UGGT1: variants seen among roughly 807,000 people sequenced by gnomAD.
UGGT1 encodes the protein UDP-glucose glycoprotein glucosyltransferase 1, also known as UDP-glucose:glycoprotein glucosyltransferase 1.
Under a neutral mutation model 203.9 loss-of-function variants are expected in UGGT1, and 107 were observed. The ratio of observed to expected loss-of-function variants is 0.52; its 90% confidence interval spans 0.45 to 0.62. The LOEUF (loss-of-function observed/expected upper bound fraction) is 0.62, where lower values mean the gene tolerates loss of function less well. UGGT1 is among the 20% of genes least tolerant of loss of function. The pLI is 0.00. For synonymous variants in UGGT1, 628 were observed against 653.5 expected (o/e 0.96, Z 0.59); for missense variants, 1,673 against 1,867.2 (o/e 0.90, Z 1.92).
Position 128,182,246 on chromosome 2 carries a change from A to G in UGGT1, c.4200A>G (p.Ser1400=). 7 of 1,614,192 alleles carry G rather than the reference A, an allele frequency of 4.3e-6. No homozygotes were observed. Among genetic ancestry groups the G allele is most frequent in the Non-Finnish European group, 5.9e-6 (7 of 1,180,020 alleles). Residue 1400 remains serine, a synonymous_variant, in exon 37 of 41, where the codon TCA becomes TCG. Coordinates refer to ENST00000259253, the MANE Select transcript of UGGT1 (RefSeq NM_020120.4). ...REMDGYRFWK[S]GYWASHLAGR... Reference sequence around the variant, plus strand: ...TGGACGGCTACAGGTTCTGGAAGTCAGGGTACTGGGCCAGTCATTTAGCCG... The same window carrying G: ...TGGACGGCTACAGGTTCTGGAAGTCGGGGTACTGGGCCAGTCATTTAGCCG...
In UGGT1 at chr2:128,194,689, T is replaced by C. The variant is rs1473048287; in HGVS notation, c.*4947T>C. On this transcript the variant is annotated 3_prime_UTR_variant, in exon 41 of 41. Transcript: ENST00000259253. ...GTGTGTAGTTTGGTAAGATAACTTC[T>C]TTAAATTCATGTTTTCTCTGCCTTG... 1 of 152,232 alleles carries C rather than the reference T, an allele frequency of 6.6e-6. No individual in the cohort carries two copies. The highest frequency in any genetic ancestry group is 2.4e-5 in the African/African-American group (1 of 41,456). 9.4% of individuals were successfully genotyped at this position (152,232 alleles called of 1,614,324 possible).
intron 15 of UGGT1, among the ~76,000 whole-genome samples, 163 bp downstream of exon 15, chr2:128,135,124 C>G (rs1287246040): frequency 6.6e-6 from 1 of 152,220 alleles, no homozygotes; most frequent in Admixed American, 6.5e-5. Context: ...TCTTTTGGGA[C>G]TGAGAATTTG....
intron 3 of UGGT1, 83 bp downstream of exon 3, chr2:128,104,097 A>G (rs746011708): frequency 5.1e-5 from 50 of 977,898 alleles, no homozygotes; most frequent in Middle Eastern, 2.2e-4. Context: ...TATGTGTGGC[A>G]TGGCAGTTAA....
intron 26 of UGGT1, among the ~76,000 whole-genome samples, chr2:128,169,198 C>T (rs1226698370): frequency 6.6e-6 from 1 of 150,988 alleles, no homozygotes; most frequent in Admixed American, 6.6e-5. Context: ...TGGTGAGACC[C>T]GTATCTCTAC....
At position 128,100,029 on chromosome 2, in the gene UGGT1, C is replaced by CCCA. The variant is rs1491402357; in HGVS notation, c.194+2465_194+2466insCCA. 2.6e-5 allele frequency among the ~76,000 whole-genome samples: 2 copies of CCCA among 77,360 alleles called. 1 individual carries two copies. Among genetic ancestry groups the CCCA allele is most frequent in the East Asian group, 1.0e-3 (2 of 2,000 alleles). The allele number at this position is 77,360 out of a possible 152,430, so 50.8% of individuals were successfully genotyped here. ...CATTGAGATTTACAACCCCCCCCCC[C>CCCA]ACCCTACTTATTTTTTTTGAGACAG... On this transcript the variant is annotated intron_variant, in intron 2 of 40. Transcript: ENST00000259253.
chr2:128,122,083 C>G (rs780444325), intron 10 of UGGT1, among the ~76,000 whole-genome samples: 1 of 152,090 alleles, frequency 6.6e-6, no homozygotes, highest in African/African-American at 2.4e-5. Flanking sequence ...TTGTTTGGAC[C>G]GGGCTTGGTG....
At chr2:128,162,913 A>G (rs1466071719) in intron 25 of UGGT1, among the ~76,000 whole-genome samples, 1 of 152,202 alleles carries the variant, frequency 6.6e-6, no homozygotes, top group Non-Finnish European at 1.5e-5. Flanking sequence ...GACTAATGCT[A>G]AAACTCTTAG....
chr2:128,124,287 T>C (rs1473708697), intron 11 of UGGT1, among the ~76,000 whole-genome samples: 1 of 152,214 alleles, frequency 6.6e-6, no homozygotes, highest in Non-Finnish European at 1.5e-5. Flanking sequence ...TATACAATAT[T>C]GGCAGGTTAT....
chr2:128,176,272 G>T (rs752369109), intron 31 of UGGT1, among the ~76,000 whole-genome samples: 2 of 152,118 alleles, frequency 1.3e-5, no homozygotes, highest in Non-Finnish European at 2.9e-5. Context: ...AATTAGCCAG[G>T]CGTGGTGGTG....
intron 26 of UGGT1, among the ~76,000 whole-genome samples, chr2:128,165,861 A>G (rs181440742): frequency 6.6e-6 from 1 of 152,038 alleles, no homozygotes; most frequent in East Asian, 1.9e-4. Context: ...TTCTGGGCTC[A>G]AGTGATCTTC....
intron 35 of UGGT1, among the ~76,000 whole-genome samples, chr2:128,180,526 C>A (rs1304951739): frequency 6.6e-6 from 1 of 152,218 alleles, no homozygotes; most frequent in Non-Finnish European, 1.5e-5. Context: ...TGGGTTAGAT[C>A]TGGCCTCGAG....
At chr2:128,178,922 C>T (rs1007564484) in intron 34 of UGGT1, among the ~76,000 whole-genome samples, 5 of 152,156 alleles carry the variant, frequency 3.3e-5, no homozygotes, top group African/African-American at 1.2e-4. Flanking sequence ...ACTTCACTGC[C>T]TTGTAAAGAT....
At chr2:128,110,928 T>G (rs1329088177) in intron 5 of UGGT1, among the ~76,000 whole-genome samples, 2 of 152,208 alleles carry the variant, frequency 1.3e-5, no homozygotes, top group Non-Finnish European at 2.9e-5. Context: ...ATGTCTTTAC[T>G]TTCTGCTGAG....
chr2:128,139,453 A>G (rs1043059793), intron 16 of UGGT1, among the ~76,000 whole-genome samples: 9 of 152,178 alleles, frequency 5.9e-5, no homozygotes, highest in Non-Finnish European at 1.0e-4. Flanking sequence ...TGTTATAAGT[A>G]CACATGTTTG....
At chr2:128,162,110 A>T (rs1047987228) in intron 25 of UGGT1, among the ~76,000 whole-genome samples, 4 of 151,868 alleles carry the variant, frequency 2.6e-5, no homozygotes, top group Non-Finnish European at 4.4e-5. Context: ...TTTGATTCAC[A>T]TTTCCCTAAT....
chr2:128,137,496 A>G (rs1284017389), intron 15 of UGGT1, among the ~76,000 whole-genome samples: 4 of 152,230 alleles, frequency 2.6e-5, no homozygotes, highest in East Asian at 1.9e-4. Flanking sequence ...CTGCCACTCT[A>G]TGGCTTGTCC....
At chr2:128,158,505 T>A (rs1690357947) in intron 22 of UGGT1, among the ~76,000 whole-genome samples, 1 of 152,252 alleles carries the variant, frequency 6.6e-6, no homozygotes, top group Admixed American at 6.5e-5. Context: ...ACCCAATCTT[T>A]TGTAAGATTT....
At chr2:128,129,519 C>T (rs1235651257) in intron 13 of UGGT1, among the ~76,000 whole-genome samples, 1 of 151,762 alleles carries the variant, frequency 6.6e-6, no homozygotes, top group African/African-American at 2.4e-5. Flanking sequence ...CTGCCTCAGC[C>T]TCCCGAGTAG....
chr2:128,091,615 T>G lies in UGGT1; in HGVS notation c.58+200T>G, dbSNP rs1323543203. On this transcript the variant is annotated intron_variant, in intron 1 of 40. Coordinates refer to ENST00000259253, the MANE Select transcript of UGGT1 (RefSeq NM_020120.4). ...TGGCAAGGTATCGCTTCCGCGGGGG[T>G]GGCGGCGGGCTCTGTTCAGCGGTCT... 6 of 1,434,472 alleles carry G rather than the reference T, an allele frequency of 4.2e-6. 1 individual carries two copies. In the Admixed American group the frequency reaches 1.2e-4, roughly 28 times the overall value. The allele number at this position is 1,434,472 out of a possible 1,614,324, so 88.9% of individuals were successfully genotyped here.
Sources: allele counts gnomAD v4.1 joint callset (sites outside exome capture counted in the v4.1 genomes callset), GRCh38; gene constraint gnomAD v4.1.1; transcripts MANE v1.5; gene names NCBI Gene and HGNC (gene_info 2026-07-23, HGNC 2026-07-21).